CYP51A1: variants seen among roughly 807,000 people sequenced by gnomAD.
CYP51A1 encodes the protein cytochrome P450 family 51 subfamily A member 1.
Under a neutral mutation model 53.5 loss-of-function variants are expected in CYP51A1, and 45 were observed. That is an observed-to-expected ratio of 0.84 (90% CI 0.66 to 1.08). CYP51A1 has a LOEUF of 1.08. CYP51A1 is among the 50% of genes least tolerant of loss of function. The pLI is 0.00. For missense variants in CYP51A1, 462 were observed against 621.7 expected (o/e 0.74, Z 2.73); for synonymous variants, 181 against 217.7 (o/e 0.83, Z 1.48).
chr7:92,134,176 C>T lies in CYP51A1; in HGVS notation c.189G>A (p.Gly63=), dbSNP rs749982256. 11 of 1,611,620 alleles carry T rather than the reference C, an allele frequency of 6.8e-6. No individual in the cohort carries two copies. The highest frequency in any genetic ancestry group is 1.7e-6 in the Non-Finnish European group (2 of 1,179,682). ...AGACCCTAAAGAATGTACGTACCACCCCTGCGGGCAGCTGGACCAGGTGGC... is the reference window on the plus strand; with the variant it reads ...AGACCCTAAAGAATGTACGTACCACTCCTGCGGGCAGCTGGACCAGGTGGC... ...AAGHLVQLPA[G]VKSPPYIFSP... The change falls in exon 1 of 10, where the codon GGG becomes GGA. Residue 63 remains glycine (G), a synonymous_variant. Coordinates refer to ENST00000003100, the MANE Select transcript of CYP51A1 (RefSeq NM_000786.4).
rs1038300476 is a variant in CYP51A1 at position 92,114,817 on chromosome 7, G to A, written c.1352-974C>T. 2.0e-5 allele frequency among the ~76,000 whole-genome samples: 3 copies of A among 152,266 alleles called. No homozygotes were observed. The East Asian group carries it at 5.8e-4, about 29-fold the overall frequency. On this transcript the variant is annotated intron_variant, in intron 9 of 9. Coordinates refer to ENST00000003100, the MANE Select transcript of CYP51A1 (RefSeq NM_000786.4). Reference sequence around the variant, plus strand: ...GGACTAAACTAAAGGTTATTCATTTGTCAAAACTCAATGAATGTTGACTTA... The same window carrying A: ...GGACTAAACTAAAGGTTATTCATTTATCAAAACTCAATGAATGTTGACTTA...
chr7:92,117,896 A>G (rs775813288), intron 8 of CYP51A1, among the ~76,000 whole-genome samples: 5 of 151,982 alleles, frequency 3.3e-5, no homozygotes, highest in Non-Finnish European at 7.4e-5. Context: ...GCTGAGGCAG[A>G]AGAATTGCTT....
chr7:92,126,451 C>A, intron 4 of CYP51A1, 24 bp from the exon 5 acceptor site: 1 of 1,560,802 alleles, frequency 6.4e-7, no homozygotes, highest in Non-Finnish European at 8.6e-7. Context: ...AAAGATTATT[C>A]TCATTACTAT....
chr7:92,112,256 C>A lies in CYP51A1; in HGVS notation c.*1409G>T, dbSNP rs1397334959. 4 of 152,080 alleles carry A rather than the reference C, an allele frequency of 2.6e-5. No homozygotes were observed. Among genetic ancestry groups the A allele is most frequent in the Non-Finnish European group, 5.9e-5 (4 of 68,004 alleles). The allele number at this position is 152,080 out of a possible 1,614,324, so 9.4% of individuals were successfully genotyped here. ...GTGTTTTAAAAAGAACTGTAATATA[C>A]ATAAAGCAAAATATTTTGGCATCAC... On this transcript the variant is annotated 3_prime_UTR_variant, in exon 10 of 10. Coordinates refer to ENST00000003100, the MANE Select transcript of CYP51A1 (RefSeq NM_000786.4).
intron 3 of CYP51A1, 65 bp downstream of exon 3, chr7:92,128,815 C>A: frequency 7.4e-7 from 1 of 1,344,754 alleles, no homozygotes; most frequent in Non-Finnish European, 1.0e-6. Context: ...TGTATAATGT[C>A]TCACTATTAG....
Position 92,134,359 on chromosome 7 carries a change from C to A in CYP51A1, c.6G>T (p.Ala2=). The part of the protein sequence containing the change: M[A]AAAGMLLLGL... ...CCAGCAGCAGCATCCCAGCCGCCGC[C>A]GCCATTCACTCCGTCGGAAACACTG... The change falls in exon 1 of 10, where the codon GCG becomes GCT. Residue 2 remains alanine (A), a synonymous_variant. Transcript: ENST00000003100. 2 of 1,580,458 alleles carry A rather than the reference C, an allele frequency of 1.3e-6. No individual in the cohort carries two copies. Among genetic ancestry groups the A allele is most frequent in the South Asian group, 1.1e-5 (1 of 88,012 alleles).
At position 92,124,974 on chromosome 7, in the gene CYP51A1, T is replaced by G. The variant is rs550772996; in HGVS notation, c.771-1121A>C. On this transcript the variant is annotated intron_variant, in intron 5 of 9. Coordinates refer to ENST00000003100, the MANE Select transcript of CYP51A1 (RefSeq NM_000786.4). ...CTGGCTAACACGGTGAAACCCCATCTCTACTAAAAGTACAAAACAATTAGC... is the reference window on the plus strand; with the variant it reads ...CTGGCTAACACGGTGAAACCCCATCGCTACTAAAAGTACAAAACAATTAGC... Among the ~76,000 whole-genome samples, 665 of 152,128 alleles carry G rather than the reference T, an allele frequency of 4.4e-3. 1 individual carries two copies. Among genetic ancestry groups the G allele is most frequent in the Non-Finnish European group, 7.6e-3 (515 of 67,994 alleles).
rs759739146 is a variant in CYP51A1, at chr7:92,128,455, T to TGTGTGTGC, written c.468+424_468+425insGCACACAC. 3.9e-5 allele frequency among the ~76,000 whole-genome samples: 4 copies of TGTGTGTGC among 101,984 alleles called. No homozygotes were observed. In the East Asian group the frequency reaches 1.1e-3, roughly 27 times the overall value. The allele number at this position is 101,984 out of a possible 152,430, so 66.9% of individuals were successfully genotyped here. A position where few individuals can be genotyped will look rare whatever the true frequency, so the allele number is the denominator to read the frequency against. On this transcript the variant is annotated intron_variant, in intron 3 of 9. Transcript: ENST00000003100. ...GTGTGTGTGTGTGTGTGTGTGTGTG[T>TGTGTGTGC]GCGCGTGCGTGTGTGTGTGTGTGTT...
intron 1 of CYP51A1, 115 bp downstream of exon 1, chr7:92,134,058 G>GC: frequency 1.0e-6 from 1 of 972,146 alleles, no homozygotes; most frequent in East Asian, 3.0e-5. Flanking sequence ...GGCCGCAGTC[G>GC]CCCCCGCCCT....
intron 7 of CYP51A1, among the ~76,000 whole-genome samples, chr7:92,119,141 T>C (rs1819636033): frequency 6.6e-6 from 1 of 152,198 alleles, no homozygotes; most frequent in African/African-American, 2.4e-5. Context: ...CAAAAATATT[T>C]AGCAAAAATT....
chr7:92,121,029 C>T (rs1819681266), intron 7 of CYP51A1, among the ~76,000 whole-genome samples: 2 of 152,276 alleles, frequency 1.3e-5, no homozygotes, highest in South Asian at 4.1e-4. Flanking sequence ...GTGGCTCACA[C>T]CTGTAATCCC....
At chr7:92,119,230 G>A (rs1303832423) in intron 7 of CYP51A1, among the ~76,000 whole-genome samples, 2 of 152,274 alleles carry the variant, frequency 1.3e-5, no homozygotes, top group Non-Finnish European at 2.9e-5. Context: ...AGGGAAAACT[G>A]GGGAGTAAGA....
intron 1 of CYP51A1, among the ~76,000 whole-genome samples, chr7:92,133,233 T>C (rs1033600250): frequency 5.3e-5 from 8 of 151,878 alleles, no homozygotes; most frequent in South Asian, 2.1e-4. Context: ...GCTAGGTTAA[T>C]AAGGCTGTTA....
chr7:92,128,927 T>A lies in CYP51A1; in HGVS notation c.421A>T (p.Thr141Ser). 2 of 1,612,436 alleles carry A rather than the reference T, an allele frequency of 1.2e-6. No individual in the cohort carries two copies. The highest frequency in any genetic ancestry group is 2.2e-5 in the South Asian group (2 of 91,016). Residue 141 changes from threonine (T) to serine (S), a missense_variant, in exon 3 of 10, where the codon ACA (threonine) becomes TCA (serine). Transcript: ENST00000003100. ...ACTCCCTTCCCAAACACAGGTGTTG[T>A]CAGGCGACTGTAGACATCTTCTGCA... Reference protein sequence around the residue: ...LNAEDVYSRLTTPVFGKGVAY... With the variant: ...LNAEDVYSRLSTPVFGKGVAY...
At chr7:92,116,339 TAAG>T (rs1193755662) in intron 9 of CYP51A1, among the ~76,000 whole-genome samples, 5 of 152,218 alleles carry the variant, frequency 3.3e-5, no homozygotes, top group Non-Finnish European at 7.3e-5. Context: ...TACATAAAGT[TAAG>T]ATCTGAAGTT....
Position 92,113,597 on chromosome 7 carries a change from T to C in CYP51A1, c.*68A>G. 1 of 1,436,982 alleles carries C rather than the reference T, an allele frequency of 7.0e-7. No homozygotes were observed. The highest frequency in any genetic ancestry group is 9.7e-7 in the Non-Finnish European group (1 of 1,035,696). 89.0% of individuals were successfully genotyped at this position (1,436,982 alleles called of 1,614,324 possible). ...AAACTACAAGAGTTGTTTTGTACAC[T>C]TCATTCTCTTCGAATGCCTTTGTGG... is the stretch of plus-strand genomic sequence containing the variant. On this transcript the variant is annotated 3_prime_UTR_variant, in exon 10 of 10. Coordinates refer to ENST00000003100, the MANE Select transcript of CYP51A1 (RefSeq NM_000786.4).
chr7:92,131,832 C>T lies in CYP51A1; in HGVS notation c.233G>A (p.Gly78Glu). 1 of 1,598,154 alleles carries T rather than the reference C, an allele frequency of 6.3e-7. No homozygotes were observed. Among genetic ancestry groups the T allele is most frequent in the Non-Finnish European group, 8.6e-7 (1 of 1,168,598 alleles). ...PYIFSPIPFLGHAIAFGKSPI... is the reference protein window; with the variant it reads ...PYIFSPIPFLEHAIAFGKSPI... The stretch of plus-strand genomic sequence containing the variant: ...ACTTTTCCCAAATGCTATGGCATGC[C>T]CAAGGAATGGAATTGGGGAGAAAAT... The change falls in exon 2 of 10, where the codon GGG (glycine) becomes GAG (glutamate). Residue 78 changes from glycine (G) to glutamate (E), a missense_variant. By Grantham distance (98) the Gly-to-Glu change is moderately conservative. Transcript: ENST00000003100.
Position 92,131,830 on chromosome 7 carries a change from GC to G in CYP51A1, c.234del (p.His79MetfsTer3). 2 of 1,598,902 alleles carry G rather than the reference GC, an allele frequency of 1.3e-6. No homozygotes were observed. Among genetic ancestry groups the G allele is most frequent in the East Asian group, 4.5e-5 (2 of 44,620 alleles). ...PYIFSPIPFL[G>X]HAIAFGKSPI... ...GGACTTTTCCCAAATGCTATGGCAT[GC>G]CCAAGGAATGGAATTGGGGAGAAAA... On this transcript the variant is annotated frameshift_variant, in exon 2 of 10. Transcript: ENST00000003100. LOFTEE classifies it high-confidence loss of function.
Position 92,113,152 on chromosome 7 carries a change from C to T in CYP51A1, c.*513G>A, listed in dbSNP as rs1180729187. On this transcript the variant is annotated 3_prime_UTR_variant, in exon 10 of 10. Transcript: ENST00000003100. The stretch of plus-strand genomic sequence containing the variant: ...ATTTCTGAGTATCATCATACCAAAA[C>T]AATTAGTATTCTCTTATTCAAGGCT... 6.6e-6 allele frequency: 1 copy of T among 152,204 alleles called. No individual in the cohort carries two copies. The highest frequency in any genetic ancestry group is 1.5e-5 in the Non-Finnish European group (1 of 68,120). The allele number at this position is 152,204 out of a possible 1,614,324, so 9.4% of individuals were successfully genotyped here.
Sources: allele counts gnomAD v4.1 joint callset (sites outside exome capture counted in the v4.1 genomes callset), GRCh38; gene constraint gnomAD v4.1.1; transcripts MANE v1.5; gene names NCBI Gene and HGNC (gene_info 2026-07-23, HGNC 2026-07-21).